The following SV2C variants were observed in gnomAD, a reference collection of about 807,000 sequenced individuals.
SV2C encodes the protein synaptic vesicle glycoprotein 2C.
A neutral mutation model predicts 79.7 loss-of-function variants in SV2C; 49 were observed. That is an observed-to-expected ratio of 0.61 (90% confidence interval 0.49 to 0.78). SV2C has a LOEUF of 0.78. SV2C is among the 30% of genes least tolerant of loss of function. The probability of loss-of-function intolerance (pLI) is 0.00; values close to 1 mark genes in which losing one functional copy is unlikely to be tolerated. For missense variants in SV2C, 833 were observed against 912.9 expected, an observed-to-expected ratio of 0.91 and a Z score of 1.13; for synonymous variants, 334 against 333.2, an observed-to-expected ratio of 1.00 and a Z score of -0.03.
At chr5:76,248,776 G>T (rs1311479061) in intron 4 of SV2C, among the ~76,000 whole-genome samples, 1 of 151,942 alleles carries the variant, frequency 6.6e-6, no homozygotes, top group Admixed American at 6.6e-5. Flanking sequence ...GCACCACCAC[G>T]CCCAGCTAAT....
At chr5:76,046,831 G>T in the SV2C span, among the ~76,000 whole-genome samples, 2,022 of 152,284 alleles carry the variant, frequency 0.013, 45 homozygotes, top group African/African-American at 0.047. Context: ...AGGGGAGGTC[G>T]CAGTATGACT....
chr5:76,102,086 G>A (rs772433541), intron 1 of SV2C, among the ~76,000 whole-genome samples: 5 of 152,066 alleles, frequency 3.3e-5, no homozygotes, highest in Non-Finnish European at 4.4e-5. Context: ...CTACCTGAAT[G>A]ACCTTTGTAA....
At chr5:76,211,856 G>A (rs899751000) in intron 4 of SV2C, among the ~76,000 whole-genome samples, 3 of 152,114 alleles carry the variant, frequency 2.0e-5, no homozygotes, top group Non-Finnish European at 4.4e-5. Flanking sequence ...AACCTGAAAA[G>A]TTACATGAAA....
chr5:76,108,455 G>A (rs995780625), intron 1 of SV2C, among the ~76,000 whole-genome samples: 1 of 152,152 alleles, frequency 6.6e-6, no homozygotes, highest in African/African-American at 2.4e-5. Context: ...GAGAGTCCGA[G>A]TATTAGAGAC....
At chr5:76,030,875 G>A in the SV2C span, among the ~76,000 whole-genome samples, 1 of 152,004 alleles carries the variant, frequency 6.6e-6, no homozygotes, top group South Asian at 2.1e-4. Flanking sequence ...CCTCTCCAGG[G>A]GTGATATTCA....
At chr5:76,050,060 A>G in the SV2C span, among the ~76,000 whole-genome samples, 1 of 152,196 alleles carries the variant, frequency 6.6e-6, no homozygotes, top group African/African-American at 2.4e-5. Flanking sequence ...AATGTGGCCA[A>G]TATGGTGCCT....
At chr5:76,021,645 T>C in the SV2C span, among the ~76,000 whole-genome samples, 1 of 152,186 alleles carries the variant, frequency 6.6e-6, no homozygotes, top group African/African-American at 2.4e-5. Flanking sequence ...TAAAAATCCT[T>C]TAGGTGTTTA....
rs1287066592 is a variant in SV2C, at chr5:76,325,533, C to T, written c.2170C>T (p.Gln724Ter). 5.0e-6 allele frequency: 8 copies of T among 1,613,946 alleles called. No homozygotes were observed. The East Asian group carries it at 1.8e-4, about 36-fold the overall frequency. The change falls in exon 13 of 13, where the codon CAG becomes TAG. Residue 724 changes from glutamine (Q) to a stop codon, truncating the protein, a stop_gained. Transcript: ENST00000502798. LOFTEE classifies it high-confidence loss of function. ...GCTGTGCCTGCCTGACACACGAACC[C>T]AGGTTCTGATGTAATGGGAAAAAAA... ...VGLCLPDTRTQVLM is the reference protein window; with the variant it reads ...VGLCLPDTRT
At chr5:75,963,976 C>G in the SV2C span, among the ~76,000 whole-genome samples, 2 of 151,904 alleles carry the variant, frequency 1.3e-5, no homozygotes, top group African/African-American at 4.8e-5. Flanking sequence ...GGGTTTTTCT[C>G]TTATTCTTTT....
the SV2C span, among the ~76,000 whole-genome samples, chr5:75,853,994 CAA>C: frequency 0.015 from 1,842 of 121,612 alleles, 33 homozygotes; most frequent in African/African-American, 0.046. Flanking sequence ...CATCTATCAC[CAA>C]AAAAAAAAAA....
chr5:75,874,426 A>T, the SV2C span, among the ~76,000 whole-genome samples: 1 of 152,186 alleles, frequency 6.6e-6, no homozygotes. Context: ...AACAGCATCC[A>T]TGACAAACCC....
At chr5:75,921,600 C>T in the SV2C span, 1 of 971,466 alleles carries the variant, frequency 1.0e-6, no homozygotes, top group African/African-American at 1.6e-5. Flanking sequence ...TAGGAGGTGA[C>T]AATTGTGTTC....
chr5:76,245,980 G>A (rs200523034), intron 4 of SV2C, among the ~76,000 whole-genome samples: 82 of 148,150 alleles, frequency 5.5e-4, no homozygotes, highest in Admixed American at 1.1e-3. Flanking sequence ...GTATAAACAG[G>A]ATATAGAAGG....
intron 4 of SV2C, among the ~76,000 whole-genome samples, chr5:76,242,945 T>A (rs1434407823): frequency 7.0e-6 from 1 of 142,088 alleles, no homozygotes; most frequent in Non-Finnish European, 1.5e-5. Context: ...GCCTGGGAGT[T>A]TGAGGCCGCA....
chr5:76,344,582 G>A (rs907416407), intron 12 of SV2C, among the ~76,000 whole-genome samples: 4 of 152,068 alleles, frequency 2.6e-5, no homozygotes, highest in Admixed American at 1.3e-4. Flanking sequence ...GGTGGTGCAC[G>A]CCTGTAATCC....
chr5:76,349,507 G>C (rs1185000177), intron 12 of SV2C, among the ~76,000 whole-genome samples: 1 of 152,042 alleles, frequency 6.6e-6, no homozygotes, highest in East Asian at 1.9e-4. Flanking sequence ...GATGGAGCAA[G>C]ACTTCATCTC....
At chr5:76,343,385 T>A in intron 12 of SV2C, among the ~76,000 whole-genome samples, 1 of 151,626 alleles carries the variant, frequency 6.6e-6, no homozygotes. Flanking sequence ...TGCAACCAAA[T>A]AGAAAAAGAG....
At chr5:75,983,282 T>C in the SV2C span, among the ~76,000 whole-genome samples, 7 of 152,070 alleles carry the variant, frequency 4.6e-5, no homozygotes, top group African/African-American at 7.2e-5. Context: ...GGGACCATCA[T>C]TATGTGGCCG....
the SV2C span, among the ~76,000 whole-genome samples, chr5:75,983,262 C>T: frequency 3.3e-5 from 5 of 152,186 alleles, no homozygotes; most frequent in Non-Finnish European, 5.9e-5. Context: ...GACTAATCTG[C>T]GTGTCACTCG....
Sources: allele counts gnomAD v4.1 joint callset (sites outside exome capture counted in the v4.1 genomes callset), GRCh38; gene constraint gnomAD v4.1.1; transcripts MANE v1.5; gene names NCBI Gene and HGNC (gene_info 2026-07-23, HGNC 2026-07-21).